Variants in RSPO2 observed in about 807,000 individuals in gnomAD.
RSPO2 encodes R-spondin-2.
In RSPO2, 14 loss-of-function variants were observed where a neutral mutation model predicts 30.9. The observed-to-expected ratio is 0.45, with a 90% confidence interval of 0.30 to 0.71. The LOEUF (loss-of-function observed/expected upper bound fraction) is 0.71. Ranked by LOEUF, RSPO2 falls within the 30% of genes least tolerant of loss-of-function variation. RSPO2 has a pLI of 0.08. For missense variants in RSPO2, 264 were observed against 301.9 expected (o/e 0.87, Z 0.93); for synonymous variants, 107 against 96.4 (o/e 1.11, Z -0.64).
intron 2 of RSPO2, among the ~76,000 whole-genome samples, chr8:108,016,745 G>A (rs1183265201): frequency 6.6e-6 from 1 of 152,118 alleles, no homozygotes. Flanking sequence ...TTCATGGCTT[G>A]GAGCTGTCCT....
intron 2 of RSPO2, among the ~76,000 whole-genome samples, chr8:108,052,374 C>T (rs2130681679): frequency 6.6e-6 from 1 of 152,198 alleles, no homozygotes; most frequent in African/African-American, 2.4e-5. Flanking sequence ...GGATGTATTC[C>T]CCAGAATCAT....
chr8:108,059,858 G>T lies in RSPO2; in HGVS notation c.94+22687C>A, dbSNP rs1239577642. Among the ~76,000 whole-genome samples, 5 of 117,110 alleles carry T rather than the reference G, an allele frequency of 4.3e-5. No homozygotes were observed. In the East Asian group the frequency reaches 9.0e-4, roughly 21 times the overall value. The allele number at this position is 117,110 out of a possible 152,430, so 76.8% of individuals were successfully genotyped here. A position where few individuals can be genotyped will look rare whatever the true frequency, so the allele number is the denominator to read the frequency against. ...CACACTCTGGGGACTGTTGTGGGGT[G>T]GGGGGAGGGGGGAGGGATAGCTTTA... On this transcript the variant is annotated intron_variant, in intron 2 of 5. Transcript: ENST00000276659.
rs1277215213 is a variant in RSPO2 at position 107,958,121 on chromosome 8, T to G, written c.575A>C (p.Glu192Ala). 1 of 1,613,854 alleles carries G rather than the reference T, an allele frequency of 6.2e-7. No individual in the cohort carries two copies. The highest frequency in any genetic ancestry group is 1.7e-5 in the Admixed American group (1 of 60,010). ...KDTILCPTIA[E>A]SRRCKMTMRH... ...CATTGTCATCTTGCATCTCCTGGATTCAGCAATGGTTGGACACAGTATTGT... is the reference window on the plus strand; with the variant it reads ...CATTGTCATCTTGCATCTCCTGGATGCAGCAATGGTTGGACACAGTATTGT... Residue 192 changes from glutamate to alanine, a missense_variant, in exon 5 of 6, where the codon GAA becomes GCA. Physicochemically the swap from Glu to Ala is moderately radical, Grantham distance 107. Transcript: ENST00000276659.
intron 5 of RSPO2, among the ~76,000 whole-genome samples, chr8:107,919,891 A>ATTTTGC (rs1812098222): frequency 1.3e-5 from 2 of 152,178 alleles, no homozygotes; most frequent in Admixed American, 6.6e-5. Context: ...TGCTATAGTA[A>ATTTTGC]AAGTTTATGA....
At chr8:108,006,715 C>T (rs1320420878) in intron 2 of RSPO2, among the ~76,000 whole-genome samples, 2 of 152,082 alleles carry the variant, frequency 1.3e-5, no homozygotes, top group African/African-American at 4.8e-5. Flanking sequence ...GATTGTAGGA[C>T]ACCGGGATTG....
chr8:107,911,622 T>C (rs549481241), intron 5 of RSPO2, among the ~76,000 whole-genome samples: 30 of 152,258 alleles, frequency 2.0e-4, no homozygotes, highest in African/African-American at 6.3e-4. Flanking sequence ...GATAGCGCTA[T>C]ATAAGGTGCC....
At chr8:107,926,769 ACC>A (rs1812389643) in intron 5 of RSPO2, among the ~76,000 whole-genome samples, 2 of 152,192 alleles carry the variant, frequency 1.3e-5, no homozygotes, top group Non-Finnish European at 2.9e-5. Flanking sequence ...CTATTTTGGT[ACC>A]AGTACCATGC....
chr8:107,915,357 C>A (rs928573606), intron 5 of RSPO2, among the ~76,000 whole-genome samples: 1 of 152,112 alleles, frequency 6.6e-6, no homozygotes, highest in Non-Finnish European at 1.5e-5. Flanking sequence ...CCAACACCTT[C>A]TTCCTTCTCC....
rs759729631 is a variant in RSPO2 at position 107,989,215 on chromosome 8, C to G, written c.124G>C (p.Gly42Arg). Residue 42 changes from glycine to arginine, a missense_variant, in exon 3 of 6, where the codon GGT becomes CGT. Physicochemically the swap from Gly to Arg is moderately radical, Grantham distance 125. Transcript: ENST00000276659. ...TTGTCCTTTGAACAAGACAAACAAC[C>G]CTTGCAAATGGGATTTGATACATAA... The part of the protein sequence containing the change: ...ASYVSNPICK[G>R]CLSCSKDNGC... 2.5e-6 allele frequency: 4 copies of G among 1,580,712 alleles called. No individual in the cohort carries two copies. The highest frequency in any genetic ancestry group is 1.2e-5 in the South Asian group (1 of 83,776).
chr8:108,042,076 T>C (rs1038126535), intron 2 of RSPO2, among the ~76,000 whole-genome samples: 1 of 152,086 alleles, frequency 6.6e-6, no homozygotes, highest in South Asian at 2.1e-4. Flanking sequence ...GCAATGTAAA[T>C]TGTATTCAAG....
chr8:108,001,954 G>A lies in RSPO2; in HGVS notation c.95-12710C>T, dbSNP rs188998287. On this transcript the variant is annotated intron_variant, in intron 2 of 5. Coordinates refer to ENST00000276659, the MANE Select transcript of RSPO2 (RefSeq NM_178565.5). ...TAACGCATGCCGGGCTTAAAACCTA[G>A]AAGACGGATTGATGGGTGCAGCAAA... 6.9e-3 allele frequency among the ~76,000 whole-genome samples: 1,051 copies of A among 152,230 alleles called. 6 individuals carry two copies. The highest frequency in any genetic ancestry group is 0.025 in the South Asian group (121 of 4,824).
intron 5 of RSPO2, among the ~76,000 whole-genome samples, chr8:107,938,764 T>G (rs1396933588): frequency 6.6e-6 from 1 of 152,186 alleles, no homozygotes; most frequent in Non-Finnish European, 1.5e-5. Flanking sequence ...TAGCACATGT[T>G]GGTGCCAAAT....
At chr8:107,916,901 T>C (rs1935063351) in intron 5 of RSPO2, among the ~76,000 whole-genome samples, 1 of 152,224 alleles carries the variant, frequency 6.6e-6, no homozygotes, top group Non-Finnish European at 1.5e-5. Flanking sequence ...AATGTTACCT[T>C]ATGGTCAAAC....
chr8:108,011,134 G>GAAAAAAAAAAAAAAAAAAAAAAA (rs66722934), intron 2 of RSPO2, among the ~76,000 whole-genome samples: 1 of 100,452 alleles, frequency 1.0e-5, no homozygotes, highest in African/African-American at 3.6e-5. Flanking sequence ...CTCCGTCCCA[G>GAAAAAAAAAAAAAAAAAAAAAAA]AAAAAAAAAA....
rs138185806 is a variant in RSPO2, at chr8:108,053,623, A to C, written c.94+28922T>G. 9.2e-5 allele frequency among the ~76,000 whole-genome samples: 14 copies of C among 152,346 alleles called. No individual in the cohort carries two copies. The East Asian group carries it at 2.7e-3, about 29-fold the overall frequency. On this transcript the variant is annotated intron_variant, in intron 2 of 5. Coordinates refer to ENST00000276659, the MANE Select transcript of RSPO2 (RefSeq NM_178565.5). Reference sequence around the variant, plus strand: ...TTCAAATATACTGGACATAGTAAGAAATAAAGGGAAGAAATTTAATATTTT... The same window carrying C: ...TTCAAATATACTGGACATAGTAAGACATAAAGGGAAGAAATTTAATATTTT...
chr8:108,027,293 T>G (rs970106682), intron 2 of RSPO2, among the ~76,000 whole-genome samples: 1 of 152,248 alleles, frequency 6.6e-6, no homozygotes, highest in Non-Finnish European at 1.5e-5. Flanking sequence ...CAAGTAGTTA[T>G]TGAATGAAAG....
chr8:107,977,979 C>T (rs1814276103), intron 3 of RSPO2, among the ~76,000 whole-genome samples: 1 of 151,850 alleles, frequency 6.6e-6, no homozygotes, highest in South Asian at 2.1e-4. Flanking sequence ...CTCTCCAATG[C>T]ACATCTCTAT....
chr8:108,055,565 G>A (rs911934010), intron 2 of RSPO2, among the ~76,000 whole-genome samples: 6 of 152,174 alleles, frequency 3.9e-5, no homozygotes, highest in African/African-American at 9.7e-5. Flanking sequence ...AATGGCAGCC[G>A]ACTTAGAAGA....
intron 3 of RSPO2, among the ~76,000 whole-genome samples, chr8:107,967,543 T>G (rs1813846711): frequency 6.6e-6 from 1 of 152,188 alleles, no homozygotes; most frequent in Admixed American, 6.6e-5. Flanking sequence ...AAATAAAAGA[T>G]GAATCCAGAA....
Sources: gnomAD v4.1 joint callset for allele counts (sites outside exome capture counted in the v4.1 genomes callset) on GRCh38, gnomAD v4.1.1 for gene constraint, MANE v1.5 for transcripts, NCBI Gene and HGNC (gene_info 2026-07-23, HGNC 2026-07-21) for gene names.